Variants in LRRC4C observed in about 807,000 individuals in gnomAD.
LRRC4C encodes leucine-rich repeat-containing protein 4C.
LRRC4C carries 5 observed loss-of-function variants against 33.6 expected under a neutral mutation model. That is an observed-to-expected ratio of 0.15 (90% CI 0.08 to 0.31). LRRC4C has a LOEUF of 0.31. LRRC4C is among the 10% of genes least tolerant of loss of function. The pLI is 1.00. For missense variants in LRRC4C, 560 were observed against 796.7 expected, an observed-to-expected ratio of 0.70 and a Z score of 3.58; for synonymous variants, 329 against 302.0, an observed-to-expected ratio of 1.09 and a Z score of -0.93.
chr11:40,266,305 T>A (rs1265087743), intron 4 of LRRC4C, among the ~76,000 whole-genome samples: 1 of 151,020 alleles, frequency 6.6e-6, no homozygotes, highest in African/African-American at 2.4e-5. Flanking sequence ...TCTCAAAAAA[T>A]AAAAAAAATT....
At chr11:41,402,236 T>C (rs1271273238) in intron 1 of LRRC4C, among the ~76,000 whole-genome samples, 1 of 152,018 alleles carries the variant, frequency 6.6e-6, no homozygotes, top group Non-Finnish European at 1.5e-5. Flanking sequence ...TGAGCTGTCT[T>C]CAAACAATGA....
At chr11:41,453,619 T>C (rs2138666444) in intron 1 of LRRC4C, among the ~76,000 whole-genome samples, 1 of 152,096 alleles carries the variant, frequency 6.6e-6, no homozygotes, top group East Asian at 1.9e-4. Flanking sequence ...GCCTTATCTG[T>C]AGTATGGGAA....
chr11:40,323,032 A>G (rs1019310422), intron 3 of LRRC4C, among the ~76,000 whole-genome samples: 2 of 152,244 alleles, frequency 1.3e-5, no homozygotes, highest in African/African-American at 4.8e-5. Flanking sequence ...CAATGAAATG[A>G]GAAAGTCACA....
rs140846913 is a variant in LRRC4C, at chr11:40,940,755, T to C, written c.-495-7032A>G. On this transcript the variant is annotated intron_variant, in intron 1 of 6. Coordinates refer to ENST00000528697, the MANE Select transcript of LRRC4C (RefSeq NM_001258419.2). The stretch of plus-strand genomic sequence containing the variant: ...CTGATACTCAAACTTTACTCAAAAC[T>C]CTAGACAACTGAATTAAGATTAGGT... Among the ~76,000 whole-genome samples, 719 of 152,142 alleles carry C rather than the reference T, an allele frequency of 4.7e-3. 7 individuals carry two copies. The highest frequency in any genetic ancestry group is 0.016 in the African/African-American group (675 of 41,510).
At chr11:40,712,133 TA>T (rs1946497438) in intron 2 of LRRC4C, among the ~76,000 whole-genome samples, 1 of 69,070 alleles carries the variant, frequency 1.4e-5, no homozygotes, top group Non-Finnish European at 3.3e-5. Flanking sequence ...GTTACTGACT[TA>T]ATTAAAGTTT....
chr11:41,355,729 T>C (rs1952138430), intron 1 of LRRC4C, among the ~76,000 whole-genome samples: 1 of 152,130 alleles, frequency 6.6e-6, no homozygotes, highest in Non-Finnish European at 1.5e-5. Context: ...ATGTACAGTA[T>C]CCATTTTTGG....
chr11:40,558,286 T>G (rs1207991168), intron 3 of LRRC4C, among the ~76,000 whole-genome samples: 5 of 152,336 alleles, frequency 3.3e-5, no homozygotes, highest in South Asian at 2.1e-4. Context: ...TTTTGGAGAC[T>G]ACATAATTGG....
At chr11:40,766,318 C>T (rs1467442551) in intron 2 of LRRC4C, among the ~76,000 whole-genome samples, 2 of 114,414 alleles carry the variant, frequency 1.7e-5, no homozygotes, top group African/African-American at 6.6e-5. Context: ...CAGAACTGTC[C>T]TACAAGAAAT....
At chr11:40,529,601 C>A (rs984824204) in intron 3 of LRRC4C, among the ~76,000 whole-genome samples, 1 of 152,058 alleles carries the variant, frequency 6.6e-6, no homozygotes, top group East Asian at 1.9e-4. Context: ...ATTTATTCAG[C>A]AGAATGAATA....
intron 5 of LRRC4C, among the ~76,000 whole-genome samples, chr11:40,167,478 A>C (rs1364438218): frequency 6.6e-6 from 1 of 152,184 alleles, no homozygotes; most frequent in African/African-American, 2.4e-5. Flanking sequence ...ATTAGTCACT[A>C]ATACAAGGCA....
intron 4 of LRRC4C, among the ~76,000 whole-genome samples, chr11:40,275,931 C>T (rs1459822696): frequency 2.0e-5 from 3 of 152,044 alleles, no homozygotes; most frequent in African/African-American, 7.2e-5. Flanking sequence ...CGGCTAAAAG[C>T]ACAAACAAAT....
chr11:40,863,367 G>A (rs541363086), intron 2 of LRRC4C, among the ~76,000 whole-genome samples: 5 of 152,240 alleles, frequency 3.3e-5, no homozygotes, highest in South Asian at 2.1e-4. Context: ...ATTTAAGGAC[G>A]GGATAGTTTC....
chr11:41,098,721 A>C (rs939648490), intron 1 of LRRC4C, among the ~76,000 whole-genome samples: 2 of 152,128 alleles, frequency 1.3e-5, no homozygotes, highest in African/African-American at 4.8e-5. Flanking sequence ...TGAAACATAC[A>C]AAGCTTTTCT....
intron 5 of LRRC4C, among the ~76,000 whole-genome samples, chr11:40,169,165 G>C (rs1859841810): frequency 6.6e-6 from 1 of 152,116 alleles, no homozygotes; most frequent in African/African-American, 2.4e-5. Context: ...ATATTATTGA[G>C]ACTTATTTTT....
rs1034974953 is a variant in LRRC4C at position 40,811,880 on chromosome 11, C to T, written c.-407+121755G>A. Among the ~76,000 whole-genome samples, 2 of 152,080 alleles carry T rather than the reference C, an allele frequency of 1.3e-5. 1 individual carries two copies. On this transcript the variant is annotated intron_variant, in intron 2 of 6. Transcript: ENST00000528697. ...AGGATCATTCATGGGTTTCAATGTC[C>T]TTATATGTGAGATAGGGAGGATAAT... is the stretch of plus-strand genomic sequence containing the variant.
intron 1 of LRRC4C, among the ~76,000 whole-genome samples, chr11:41,270,664 T>C (rs1485290780): frequency 2.0e-5 from 3 of 152,294 alleles, no homozygotes; most frequent in East Asian, 3.9e-4. Flanking sequence ...TCTTCAGTCC[T>C]CAATTCCACC....
chr11:40,440,831 T>C (rs11035845), intron 3 of LRRC4C, among the ~76,000 whole-genome samples: 55,179 of 151,748 alleles, frequency 0.36, 10,687 homozygotes, highest in East Asian at 0.53. Context: ...GTCCGCTCAT[T>C]TTGTGCACAG....
intron 5 of LRRC4C, among the ~76,000 whole-genome samples, chr11:40,168,525 T>G (rs1476595205): frequency 6.6e-6 from 1 of 152,226 alleles, no homozygotes; most frequent in Non-Finnish European, 1.5e-5. Context: ...CTCCACAGTA[T>G]GCAAGAGGCT....
intron 6 of LRRC4C, among the ~76,000 whole-genome samples, chr11:40,133,425 C>T (rs2134847946): frequency 6.6e-6 from 1 of 152,282 alleles, no homozygotes; most frequent in Admixed American, 6.5e-5. Context: ...ACCCTAATTT[C>T]CTAGAGAGTA....
Sources: allele counts gnomAD v4.1 joint callset (sites outside exome capture counted in the v4.1 genomes callset), GRCh38; gene constraint gnomAD v4.1.1; transcripts MANE v1.5; gene names NCBI Gene and HGNC (gene_info 2026-07-23, HGNC 2026-07-21).